Variants in KPNA4 observed in about 807,000 individuals in gnomAD.
KPNA4 encodes the protein importin subunit alpha-3.
Under a neutral mutation model 71.3 loss-of-function variants are expected in KPNA4, and 13 were observed. That is an observed-to-expected ratio of 0.18 (90% CI 0.12 to 0.29). The LOEUF (loss-of-function observed/expected upper bound fraction) is 0.29. KPNA4 is among the 10% of genes least tolerant of loss of function. The pLI is 1.00. For synonymous variants in KPNA4, 189 were observed against 195.2 expected (o/e 0.97, Z 0.26); for missense variants, 334 against 603.2 (o/e 0.55, Z 4.67).
chr3:160,496,736 G>C lies in KPNA4; in HGVS notation c.*5368C>G, dbSNP rs1720772190. On this transcript the variant is annotated 3_prime_UTR_variant, in exon 17 of 17. Transcript: ENST00000334256. Reference sequence around the variant, plus strand: ...TGTGGAGAAGGCAAAAATTGGGGCAGAAAATATAAATAACAAGGGAGTACT... The same window carrying C: ...TGTGGAGAAGGCAAAAATTGGGGCACAAAATATAAATAACAAGGGAGTACT... 6.6e-6 allele frequency: 1 copy of C among 152,210 alleles called. No homozygotes were observed. Among genetic ancestry groups the C allele is most frequent in the Admixed American group, 6.5e-5 (1 of 15,278 alleles). The allele number at this position is 152,210 out of a possible 1,614,324, so 9.4% of individuals were successfully genotyped here. A position where few individuals can be genotyped will look rare whatever the true frequency, so the allele number is the denominator to read the frequency against.
At chr3:160,534,339 C>G (rs1721636974) in intron 5 of KPNA4, among the ~76,000 whole-genome samples, 1 of 152,100 alleles carries the variant, frequency 6.6e-6, no homozygotes, top group Non-Finnish European at 1.5e-5. Context: ...CATGTCTTCC[C>G]CAACCTATTT....
intron 8 of KPNA4, among the ~76,000 whole-genome samples, chr3:160,526,962 T>C (rs757917347): frequency 1.2e-4 from 19 of 152,170 alleles, no homozygotes; most frequent in Non-Finnish European, 1.5e-5. Context: ...GCATTCCTAA[T>C]AGTATAAACC....
intron 1 of KPNA4, among the ~76,000 whole-genome samples, chr3:160,552,605 G>C (rs1722062992): frequency 6.6e-6 from 1 of 152,134 alleles, no homozygotes; most frequent in South Asian, 2.1e-4. Flanking sequence ...GTGCTCTTAA[G>C]GAAAACAGGG....
chr3:160,514,895 T>C (rs375931321), intron 12 of KPNA4: 1 of 507,800 alleles, frequency 2.0e-6, no homozygotes, highest in Admixed American at 2.0e-5. Flanking sequence ...AGCTAATGTA[T>C]ACTAGGCTCT....
At chr3:160,528,426 T>C (rs1577053923) in intron 7 of KPNA4, among the ~76,000 whole-genome samples, 1 of 152,054 alleles carries the variant, frequency 6.6e-6, no homozygotes, top group East Asian at 1.9e-4. Flanking sequence ...AGGGAAGCGG[T>C]GGAATCTTGG....
At chr3:160,559,651 T>C (rs865909299) in intron 1 of KPNA4, among the ~76,000 whole-genome samples, 2 of 152,122 alleles carry the variant, frequency 1.3e-5, no homozygotes, top group East Asian at 1.9e-4. Flanking sequence ...AATTACGGTG[T>C]AGTATCACTT....
At chr3:160,510,793 G>T (rs1335834009) in intron 13 of KPNA4, among the ~76,000 whole-genome samples, 1 of 151,708 alleles carries the variant, frequency 6.6e-6, no homozygotes, top group African/African-American at 2.4e-5. Flanking sequence ...AAACTTACAA[G>T]CTATTCTTTT....
At chr3:160,555,370 C>A (rs375411795) in intron 1 of KPNA4, among the ~76,000 whole-genome samples, 1 of 152,066 alleles carries the variant, frequency 6.6e-6, no homozygotes, top group Non-Finnish European at 1.5e-5. Flanking sequence ...TCATCCATAC[C>A]GTTGCATGTG....
At chr3:160,559,797 CAG>C (rs1722207291) in intron 1 of KPNA4, among the ~76,000 whole-genome samples, 1 of 152,058 alleles carries the variant, frequency 6.6e-6, no homozygotes, top group African/African-American at 2.4e-5. Context: ...AATGCAGAAA[CAG>C]ATGAGAATTC....
Position 160,498,308 on chromosome 3 carries a change from ATAAGGC to A in KPNA4, c.*3790_*3795del, listed in dbSNP as rs1285972976. On this transcript the variant is annotated 3_prime_UTR_variant, in exon 17 of 17. Coordinates refer to ENST00000334256, the MANE Select transcript of KPNA4 (RefSeq NM_002268.5). ...CAAATAAGCTTGCTATGATAACTAT[ATAAGGC>A]TATCACTTGTAAATTGTTCCAGTTC... The A allele has an allele frequency of 2.0e-5, 3 of 152,242 alleles. No individual in the cohort carries two copies. Among genetic ancestry groups the A allele is most frequent in the Non-Finnish European group, 4.4e-5 (3 of 68,040 alleles). The allele number at this position is 152,242 out of a possible 1,614,324, so 9.4% of individuals were successfully genotyped here. A position where few individuals can be genotyped will look rare whatever the true frequency, so the allele number is the denominator to read the frequency against.
At chr3:160,503,005 G>T (rs1720914211) in intron 16 of KPNA4, among the ~76,000 whole-genome samples, 1 of 152,084 alleles carries the variant, frequency 6.6e-6, no homozygotes, top group South Asian at 2.1e-4. Flanking sequence ...CAGCTACTTG[G>T]GAGGTTGAGG....
rs765268994 is a variant in KPNA4, at chr3:160,514,119, A to T, written c.1095T>A (p.Ile365=). 5 of 1,596,418 alleles carry T rather than the reference A, an allele frequency of 3.1e-6. No individual in the cohort carries two copies. In the African/African-American group the frequency reaches 4.1e-5, roughly 13 times the overall value. ...TTATCATTGGTACAAGATTGGCATC[A>T]ATTACTGCCTGTACCTGCTGCTGAT... ...AGNQQQVQAV[I]DANLVPMIIH... Residue 365 remains isoleucine (I), a synonymous_variant, in exon 13 of 17, where the codon ATT becomes ATA. Transcript: ENST00000334256.
intron 1 of KPNA4, among the ~76,000 whole-genome samples, chr3:160,550,914 T>C (rs1367129686): frequency 6.6e-6 from 1 of 152,190 alleles, no homozygotes; most frequent in African/African-American, 2.4e-5. Flanking sequence ...TGCACCAGTA[T>C]TCTGTTGAGG....
chr3:160,550,691 T>C (rs1054341959), intron 1 of KPNA4, among the ~76,000 whole-genome samples: 8 of 152,230 alleles, frequency 5.3e-5, no homozygotes, highest in Admixed American at 5.2e-4. Context: ...ATTCCTAGTT[T>C]GAGTGTTTTT....
intron 1 of KPNA4, among the ~76,000 whole-genome samples, chr3:160,546,493 G>A (rs941343267): frequency 6.6e-5 from 10 of 152,148 alleles, no homozygotes; most frequent in Non-Finnish European, 1.2e-4. Context: ...ACTCCAGCCT[G>A]GGTGATAGAG....
chr3:160,528,088 C>A, intron 7 of KPNA4, 49 bp from the exon 8 acceptor site: 7 of 1,395,980 alleles, frequency 5.0e-6, no homozygotes, highest in South Asian at 2.5e-5. Flanking sequence ...TACCATAAAC[C>A]AAAAATCAAT....
In KPNA4 at chr3:160,540,416, A is replaced by G. The variant is rs577255300; in HGVS notation, c.70-3576T>C. Among the ~76,000 whole-genome samples the G allele has an allele frequency of 1.4e-3, 207 of 152,342 alleles. 1 individual carries two copies. The highest frequency in any genetic ancestry group is 4.7e-3 in the African/African-American group (195 of 41,592). On this transcript the variant is annotated intron_variant, in intron 1 of 16. Transcript: ENST00000334256. ...ACCAACTTAGCACTGTAGTAACAACATAAGACCAGGCTATTACCACTTTCA... is the reference window on the plus strand; with the variant it reads ...ACCAACTTAGCACTGTAGTAACAACGTAAGACCAGGCTATTACCACTTTCA...
chr3:160,504,132 A>G (rs1376081892), intron 16 of KPNA4, among the ~76,000 whole-genome samples: 1 of 152,210 alleles, frequency 6.6e-6, no homozygotes, highest in Non-Finnish European at 1.5e-5. Context: ...TTTAACTGGC[A>G]TTATATTCTA....
intron 1 of KPNA4, among the ~76,000 whole-genome samples, chr3:160,549,896 T>A (rs1560055221): frequency 6.6e-6 from 1 of 152,256 alleles, no homozygotes; most frequent in Non-Finnish European, 1.5e-5. Context: ...ATTGGATTGT[T>A]TTCCATTTGT....
Sources: allele counts gnomAD v4.1 joint callset (sites outside exome capture counted in the v4.1 genomes callset), GRCh38; gene constraint gnomAD v4.1.1; transcripts MANE v1.5; gene names NCBI Gene and HGNC (gene_info 2026-07-23, HGNC 2026-07-21).